BAALC: variants seen among roughly 807,000 people sequenced by gnomAD.
BAALC encodes BAALC binder of MAP3K1 and KLF4.
BAALC carries 9 observed loss-of-function variants against 15.5 expected under a neutral mutation model. The observed-to-expected ratio is 0.58, with a 90% CI of 0.35 to 1.02. The LOEUF is 1.02. Among genes scored for constraint, BAALC ranks in the 50% least tolerant of loss-of-function variants. BAALC has a pLI of 0.02. For missense variants in BAALC, 201 were observed against 192.4 expected (o/e 1.04, Z -0.27); for synonymous variants, 80 against 74.6 (o/e 1.07, Z -0.37).
chr8:103,228,559 C>G lies in BAALC; in HGVS notation c.*460C>G, dbSNP rs929484276. ...CATTTTAAATATTGTCATTACAAATCTTACCAGGTTCACTTAAAAGCTGGC... is the reference window on the plus strand; with the variant it reads ...CATTTTAAATATTGTCATTACAAATGTTACCAGGTTCACTTAAAAGCTGGC... On this transcript the variant is annotated 3_prime_UTR_variant, in exon 3 of 3. Coordinates refer to ENST00000309982, the MANE Select transcript of BAALC (RefSeq NM_024812.3). 1 of 153,040 alleles carries G rather than the reference C, an allele frequency of 6.5e-6. No homozygotes were observed. The allele number at this position is 153,040 out of a possible 1,614,324, so 9.5% of individuals were successfully genotyped here.
At chr8:103,204,924 A>T (rs1436493303) in intron 1 of BAALC, among the ~76,000 whole-genome samples, 2 of 152,246 alleles carry the variant, frequency 1.3e-5, no homozygotes, top group African/African-American at 2.4e-5. Context: ...TGTTTTACTT[A>T]TACCTCAGTT....
chr8:103,181,523 T>C (rs140822704), intron 1 of BAALC, among the ~76,000 whole-genome samples: 5,135 of 152,152 alleles, frequency 0.034, 287 homozygotes, highest in African/African-American at 0.12. Flanking sequence ...CTGCCCGCCT[T>C]GGCCTCCCAA....
chr8:103,152,782 A>C (rs1811013327), intron 1 of BAALC, among the ~76,000 whole-genome samples: 1 of 152,208 alleles, frequency 6.6e-6, no homozygotes, highest in Non-Finnish European at 1.5e-5. Context: ...ACACCCAGTC[A>C]CGGACACTGT....
At chr8:103,164,449 T>A (rs1811300233) in intron 1 of BAALC, among the ~76,000 whole-genome samples, 1 of 152,202 alleles carries the variant, frequency 6.6e-6, no homozygotes, top group African/African-American at 2.4e-5. Flanking sequence ...TTCAGTTCAT[T>A]TCTCACATTC....
chr8:103,183,123 G>A (rs1305687823), intron 1 of BAALC, among the ~76,000 whole-genome samples: 1 of 152,172 alleles, frequency 6.6e-6, no homozygotes, highest in African/African-American at 2.4e-5. Context: ...TATTTCCTGG[G>A]GCTGGGGGAA....
chr8:103,204,609 G>C (rs1214739930), intron 1 of BAALC, among the ~76,000 whole-genome samples: 2 of 152,100 alleles, frequency 1.3e-5, no homozygotes, highest in Non-Finnish European at 2.9e-5. Context: ...GTGTGAAGTA[G>C]GGGTGCACTT....
intron 1 of BAALC, among the ~76,000 whole-genome samples, chr8:103,158,037 T>G (rs951932469): frequency 1.3e-5 from 2 of 152,224 alleles, no homozygotes; most frequent in African/African-American, 4.8e-5. Flanking sequence ...ATAAATGTTT[T>G]TCTCTCATTG....
intron 1 of BAALC, among the ~76,000 whole-genome samples, chr8:103,158,685 A>AATACATAC (rs76527054): frequency 1.6e-3 from 243 of 150,784 alleles, no homozygotes; most frequent in South Asian, 7.4e-3. Flanking sequence ...CAATACATAC[A>AATACATAC]ATACATACAT....
At chr8:103,192,917 A>C (rs369010827) in intron 1 of BAALC, among the ~76,000 whole-genome samples, 18 of 152,230 alleles carry the variant, frequency 1.2e-4, no homozygotes, top group African/African-American at 4.3e-4. Flanking sequence ...AGCATCCCAG[A>C]TATCACCACC....
At chr8:103,213,870 A>T (rs1221024259) in intron 2 of BAALC, among the ~76,000 whole-genome samples, 2 of 152,292 alleles carry the variant, frequency 1.3e-5, no homozygotes, top group South Asian at 4.1e-4. Flanking sequence ...AACCAGGTTC[A>T]TTCTGTCTGT....
chr8:103,181,508 G>C (rs1348536647), intron 1 of BAALC, among the ~76,000 whole-genome samples: 1 of 152,010 alleles, frequency 6.6e-6, no homozygotes, highest in Admixed American at 6.6e-5. Context: ...TCCTGACCTC[G>C]TGATCTGCCC....
At chr8:103,221,251 C>A (rs1480477516) in intron 2 of BAALC, among the ~76,000 whole-genome samples, 1 of 152,146 alleles carries the variant, frequency 6.6e-6, no homozygotes, top group Non-Finnish European at 1.5e-5. Flanking sequence ...ATCTATGATT[C>A]ATGGGGTACT....
chr8:103,159,510 A>G (rs1041094066), intron 1 of BAALC, among the ~76,000 whole-genome samples: 4 of 152,274 alleles, frequency 2.6e-5, no homozygotes, highest in African/African-American at 9.6e-5. Context: ...CTCCCCTAGT[A>G]TCCTCCAAAG....
At chr8:103,219,930 C>A (rs1450638272) in intron 2 of BAALC, among the ~76,000 whole-genome samples, 5 of 152,180 alleles carry the variant, frequency 3.3e-5, no homozygotes, top group African/African-American at 1.2e-4. Context: ...GACGTGCCTA[C>A]AACGTGCCAG....
chr8:103,222,020 G>T (rs2130090883), intron 2 of BAALC, among the ~76,000 whole-genome samples: 1 of 152,308 alleles, frequency 6.6e-6, no homozygotes, highest in South Asian at 2.1e-4. Context: ...TCAAAGCAAA[G>T]TGGGCAGGTG....
intron 1 of BAALC, among the ~76,000 whole-genome samples, chr8:103,161,959 T>TTTTTG (rs57022661): frequency 0.66 from 100,399 of 151,204 alleles, 33,861 homozygotes; most frequent in Non-Finnish European, 0.72. Flanking sequence ...TCTTTGTTTG[T>TTTTTG]TTTTTGTTTT....
intron 2 of BAALC, among the ~76,000 whole-genome samples, chr8:103,217,464 G>GTT (rs11384486): frequency 0.067 from 10,246 of 151,946 alleles, 466 homozygotes; most frequent in Non-Finnish European, 0.11. Context: ...TTGATATACT[G>GTT]TTTTTTTCCT....
At chr8:103,213,997 T>C (rs1040802824) in intron 2 of BAALC, among the ~76,000 whole-genome samples, 3 of 152,044 alleles carry the variant, frequency 2.0e-5, no homozygotes, top group African/African-American at 7.2e-5. Context: ...AAAGATAGGG[T>C]TTAGGGCTAT....
In BAALC at chr8:103,213,076, G is replaced by C. The variant is rs1259422219; in HGVS notation, c.318G>C (p.Gln106His). 1 of 1,613,904 alleles carries C rather than the reference G, an allele frequency of 6.2e-7. No homozygotes were observed. Among genetic ancestry groups the C allele is most frequent in the Admixed American group, 1.7e-5 (1 of 60,012 alleles). The change falls in exon 2 of 3, where the codon CAG becomes CAC. Residue 106 changes from glutamine (Q) to histidine (H), a missense_variant. Transcript: ENST00000309982. ...TGACCCAGAAACAGAATGGCCTTCA[G>C]ACCACAGAGGTAGGGTTGCAGCCAC... The part of the protein sequence containing the change: ...GPLTQKQNGL[Q>H]TTEAKRDAKR...
Sources: gnomAD v4.1 joint callset for allele counts (sites outside exome capture counted in the v4.1 genomes callset) on GRCh38, gnomAD v4.1.1 for gene constraint, MANE v1.5 for transcripts, NCBI Gene and HGNC (gene_info 2026-07-23, HGNC 2026-07-21) for gene names.